Variants in PCDH17 observed in about 807,000 individuals in gnomAD.
PCDH17 encodes the protein protocadherin-17.
PCDH17 carries 21 observed loss-of-function variants against 67.7 expected under a neutral mutation model. The ratio of observed to expected loss-of-function variants is 0.31; its 90% CI spans 0.22 to 0.45. PCDH17 has a LOEUF of 0.45. PCDH17 is among the 20% of genes least tolerant of loss of function. The pLI, the probability that PCDH17 is intolerant of heterozygous loss-of-function variation, is 1.00. For missense variants in PCDH17, 1,471 were observed against 1,564.8 expected, an observed-to-expected ratio of 0.94 and a Z score of 1.01; for synonymous variants, 701 against 656.7, an observed-to-expected ratio of 1.07 and a Z score of -1.03.
chr13:57,669,071 A>G (rs929080988), intron 3 of PCDH17, among the ~76,000 whole-genome samples: 21 of 151,550 alleles, frequency 1.4e-4, no homozygotes, highest in African/African-American at 4.4e-4. Flanking sequence ...ATTCCCACCT[A>G]TGAGTGAGAA....
intron 3 of PCDH17, among the ~76,000 whole-genome samples, chr13:57,703,490 CA>C (rs2138078685): frequency 6.6e-6 from 1 of 152,190 alleles, no homozygotes; most frequent in Non-Finnish European, 1.5e-5. Context: ...CATGCATCTT[CA>C]TAAAATCATG....
chr13:57,703,656 A>G (rs1955689604), intron 3 of PCDH17, among the ~76,000 whole-genome samples: 1 of 152,140 alleles, frequency 6.6e-6, no homozygotes, highest in Non-Finnish European at 1.5e-5. Context: ...CAGCATGTTG[A>G]ATATAGCTAA....
intron 1 of PCDH17, among the ~76,000 whole-genome samples, chr13:57,641,589 T>A (rs9527678): frequency 7.1e-4 from 53 of 74,252 alleles, no homozygotes; most frequent in East Asian, 1.4e-3. Flanking sequence ...AAAAAAAAAA[T>A]ATATATATAT....
In PCDH17 at chr13:57,632,416, A is replaced by G. The variant is rs1954737061; in HGVS notation, c.-131A>G. 9.1e-6 allele frequency: 8 copies of G among 878,640 alleles called. 1 individual carries two copies. The South Asian group carries it at 1.3e-4, about 14-fold the overall frequency. 54.4% of individuals were successfully genotyped at this position (878,640 alleles called of 1,614,324 possible). A position where few individuals can be genotyped will look rare whatever the true frequency, so the allele number is the denominator to read the frequency against. ...ACCGGGTGCCGCAGCTCGGGTGCAG[A>G]GGGAAAAAAGGACCCATAGACTTGT... On this transcript the variant is annotated 5_prime_UTR_variant, in exon 1 of 4. Coordinates refer to ENST00000377918, the MANE Select transcript of PCDH17 (RefSeq NM_001040429.3).
At chr13:57,715,641 C>A (rs7329625) in intron 3 of PCDH17, among the ~76,000 whole-genome samples, 13,626 of 151,742 alleles carry the variant, frequency 0.09, 727 homozygotes, top group African/African-American at 0.15. Flanking sequence ...GTATCAAAAA[C>A]CTTTTCAATG....
intron 1 of PCDH17, among the ~76,000 whole-genome samples, chr13:57,636,388 G>A (rs1165180170): frequency 6.6e-6 from 1 of 152,054 alleles, no homozygotes; most frequent in African/African-American, 2.4e-5. Context: ...ACTCAATAAT[G>A]TTTTTATTGT....
At chr13:57,701,084 A>G (rs1450066325) in intron 3 of PCDH17, among the ~76,000 whole-genome samples, 2 of 152,132 alleles carry the variant, frequency 1.3e-5, no homozygotes, top group Non-Finnish European at 2.9e-5. Flanking sequence ...CAATGTGTAA[A>G]TAATAACTAG....
chr13:57,688,358 G>A (rs542296610), intron 3 of PCDH17, among the ~76,000 whole-genome samples: 3 of 152,010 alleles, frequency 2.0e-5, no homozygotes, highest in South Asian at 4.2e-4. Flanking sequence ...TTGTGTTTGT[G>A]TGTGTTAAGT....
intron 3 of PCDH17, among the ~76,000 whole-genome samples, chr13:57,703,485 A>G (rs1340349111): frequency 6.6e-6 from 1 of 152,132 alleles, no homozygotes; most frequent in East Asian, 1.9e-4. Flanking sequence ...TCTTTCATGC[A>G]TCTTCATAAA....
rs375073173 is a variant in PCDH17 at position 57,666,533 on chromosome 13, C to T, written c.2624+7C>T. ...GGCAGCAGTTTGTTCAAAGGTAAGG[C>T]CTATTAAATAACTTTTCTCAGCTTC... On this transcript the variant is annotated splice_region_variant and intron_variant, in intron 2 of 3. Coordinates refer to ENST00000377918, the MANE Select transcript of PCDH17 (RefSeq NM_001040429.3). The T allele has an allele frequency of 2.0e-5, 33 of 1,613,134 alleles. No homozygotes were observed. In the African/African-American group the frequency reaches 3.3e-4, roughly 16 times the overall value.
chr13:57,651,367 T>G (rs1164370017), intron 1 of PCDH17, among the ~76,000 whole-genome samples: 2 of 148,642 alleles, frequency 1.3e-5, no homozygotes, highest in East Asian at 2.0e-4. Context: ...TTTTTTTTTT[T>G]TTTTTTTTTT....
intron 3 of PCDH17, among the ~76,000 whole-genome samples, chr13:57,681,465 A>T (rs1955449902): frequency 1.3e-5 from 2 of 151,644 alleles, no homozygotes; most frequent in Non-Finnish European, 3.0e-5. Flanking sequence ...TGAGACTCAT[A>T]TCTGGTGTTT....
intron 2 of PCDH17, 27 bp from the exon 3 acceptor site, chr13:57,666,634 T>G: frequency 3.7e-6 from 6 of 1,608,398 alleles, no homozygotes; most frequent in Non-Finnish European, 5.1e-6. Context: ...CAACACTTTC[T>G]CTTCTTTTTC....
At chr13:57,657,973 A>T (rs938148586) in intron 1 of PCDH17, among the ~76,000 whole-genome samples, 1 of 152,166 alleles carries the variant, frequency 6.6e-6, no homozygotes, top group African/African-American at 2.4e-5. Flanking sequence ...CATACTTACA[A>T]TTATTCTAGA....
chr13:57,650,354 C>T (rs1955021205), intron 1 of PCDH17, among the ~76,000 whole-genome samples: 1 of 151,572 alleles, frequency 6.6e-6, no homozygotes, highest in Admixed American at 6.6e-5. Flanking sequence ...GGTCTACTGC[C>T]TTTTGGATTT....
At chr13:57,651,798 G>A (rs189947998) in intron 1 of PCDH17, among the ~76,000 whole-genome samples, 2 of 152,078 alleles carry the variant, frequency 1.3e-5, no homozygotes, top group East Asian at 1.9e-4. Context: ...GTAATTATTT[G>A]TATAAAGAAT....
chr13:57,660,183 C>CT (rs1955166781), intron 1 of PCDH17, among the ~76,000 whole-genome samples: 1 of 152,136 alleles, frequency 6.6e-6, no homozygotes, highest in South Asian at 2.1e-4. Flanking sequence ...GAGGTTCAGG[C>CT]TGCAGTGAGC....
At chr13:57,699,917 C>G (rs1218444103) in intron 3 of PCDH17, among the ~76,000 whole-genome samples, 1 of 152,006 alleles carries the variant, frequency 6.6e-6, no homozygotes, top group Non-Finnish European at 1.5e-5. Flanking sequence ...CTCTTCAGAA[C>G]AAAACAAAGG....
intron 3 of PCDH17, among the ~76,000 whole-genome samples, chr13:57,670,949 A>G (rs577346000): frequency 2.6e-5 from 4 of 152,114 alleles, no homozygotes; most frequent in Admixed American, 6.6e-5. Flanking sequence ...GATGTACTGT[A>G]CTAGAGCTGA....
Sources: allele counts gnomAD v4.1 joint callset (sites outside exome capture counted in the v4.1 genomes callset), GRCh38; gene constraint gnomAD v4.1.1; transcripts MANE v1.5; gene names NCBI Gene and HGNC (gene_info 2026-07-23, HGNC 2026-07-21).